Variants in TM6SF1 observed in about 807,000 individuals in gnomAD.
TM6SF1 encodes the protein transmembrane 6 superfamily member 1.
A neutral mutation model predicts 47.1 loss-of-function variants in TM6SF1; 43 were observed. The ratio of observed to expected loss-of-function variants is 0.91; its 90% CI spans 0.72 to 1.18. TM6SF1 has a LOEUF of 1.18. Among genes scored for constraint, TM6SF1 ranks in the 50% most tolerant of loss-of-function variants. The pLI is 0.00. For missense variants in TM6SF1, 390 were observed against 449.0 expected, an observed-to-expected ratio of 0.87 and a Z score of 1.19; for synonymous variants, 177 against 166.3, an observed-to-expected ratio of 1.06 and a Z score of -0.49.
At chr15:83,118,252 C>G (rs955919681) in intron 3 of TM6SF1, among the ~76,000 whole-genome samples, 1 of 126,366 alleles carries the variant, frequency 7.9e-6, no homozygotes, top group Non-Finnish European at 1.7e-5. Flanking sequence ...CACACACACA[C>G]ACACACACAC....
intron 4 of TM6SF1, among the ~76,000 whole-genome samples, chr15:83,120,889 C>T (rs1344975127): frequency 6.7e-6 from 1 of 149,966 alleles, no homozygotes; most frequent in East Asian, 2.0e-4. Flanking sequence ...ATCTGTTCTC[C>T]TGCTTATAAT....
At chr15:83,115,543 G>T in intron 2 of TM6SF1, 1 of 505,382 alleles carries the variant, frequency 2.0e-6, no homozygotes, top group Non-Finnish European at 3.8e-6. Context: ...GGGGAGTGGA[G>T]GATGGGTGGA....
chr15:83,107,686 T>G lies in TM6SF1; in HGVS notation c.6T>G (p.Ser2Arg). Reference sequence around the variant, plus strand: ...CGAGCGGCGCGGCGGCTGCGATGAGTGCCTCTGCGGCCACCGGGGTCTTCG... The same window carrying G: ...CGAGCGGCGCGGCGGCTGCGATGAGGGCCTCTGCGGCCACCGGGGTCTTCG... The part of the protein sequence containing the change: M[S>R]ASAATGVFVL... Residue 2 changes from serine to arginine, a missense_variant, in exon 1 of 10, where the codon AGT (serine) becomes AGG (arginine). Physicochemically the swap from Ser to Arg is moderately radical, Grantham distance 110. Coordinates refer to ENST00000322019, the MANE Select transcript of TM6SF1 (RefSeq NM_023003.5). The surrounding 1 kb of genome is among the most constrained non-coding windows in gnomAD (Gnocchi z 5.6). 2 of 1,552,134 alleles carry G rather than the reference T, an allele frequency of 1.3e-6. No homozygotes were observed. Among genetic ancestry groups the G allele is most frequent in the Non-Finnish European group, 1.7e-6 (2 of 1,151,060 alleles).
chr15:83,126,936 T>A, intron 8 of TM6SF1, 89 bp downstream of exon 8: 1 of 1,008,574 alleles, frequency 9.9e-7, no homozygotes, highest in Non-Finnish European at 1.5e-6. Flanking sequence ...CTCACGCCTG[T>A]AATCCCAGCA....
intron 4 of TM6SF1, among the ~76,000 whole-genome samples, chr15:83,121,030 A>C (rs1044462465): frequency 6.6e-6 from 1 of 151,842 alleles, no homozygotes; most frequent in Non-Finnish European, 1.5e-5. Flanking sequence ...AGCCTGTTAC[A>C]TAGTGTGGAG....
At chr15:83,109,578 C>T (rs1423757978) in intron 1 of TM6SF1, among the ~76,000 whole-genome samples, 8 of 152,206 alleles carry the variant, frequency 5.3e-5, no homozygotes, top group East Asian at 1.9e-4. Context: ...TCCCTTCCTC[C>T]TACTGTCTGC....
chr15:83,115,274 C>T, intron 2 of TM6SF1: 1 of 220,072 alleles, frequency 4.5e-6, no homozygotes, highest in South Asian at 7.1e-5. Flanking sequence ...TGCACCACCA[C>T]ACCCAGAAAA....
At chr15:83,113,511 A>G (rs2034384513) in intron 2 of TM6SF1, 1 of 152,552 alleles carries the variant, frequency 6.6e-6, no homozygotes, top group Admixed American at 6.5e-5. Flanking sequence ...GCCCCAGCCA[A>G]GCTGCTACCG....
At chr15:83,111,682 G>A (rs762433201) in intron 1 of TM6SF1, 18 of 985,398 alleles carry the variant, frequency 1.8e-5, no homozygotes, top group Non-Finnish European at 2.2e-5. Context: ...AGAGGTCCTG[G>A]TGTAGCAGGC....
rs780207383 is a variant in TM6SF1, at chr15:83,122,657, T to A, written c.482-100T>A. On this transcript the variant is annotated intron_variant, in intron 5 of 9. Coordinates refer to ENST00000322019, the MANE Select transcript of TM6SF1 (RefSeq NM_023003.5). ...CTCATTAAAAATATTGTCTGGCCCA[T>A]AGCAAAATTTTAGATGACCTGAGAT... 1.5e-5 allele frequency: 20 copies of A among 1,371,744 alleles called. No individual in the cohort carries two copies. The South Asian group carries it at 2.7e-4, about 18-fold the overall frequency. 85.0% of individuals were successfully genotyped at this position (1,371,744 alleles called of 1,614,324 possible).
At chr15:83,110,292 C>G (rs969013787) in intron 1 of TM6SF1, among the ~76,000 whole-genome samples, 6 of 152,082 alleles carry the variant, frequency 3.9e-5, no homozygotes, top group African/African-American at 1.4e-4. Flanking sequence ...TTCCCACCCC[C>G]CAAGACTAGC....
intron 6 of TM6SF1, 41 bp from the exon 7 acceptor site, chr15:83,124,631 G>A: frequency 6.8e-7 from 1 of 1,480,980 alleles, no homozygotes; most frequent in Non-Finnish European, 9.4e-7. Flanking sequence ...ATTCTTCTTT[G>A]GCACTTTGGG....
intron 1 of TM6SF1, chr15:83,108,002 T>C (rs768911896): frequency 1.1e-5 from 10 of 894,178 alleles, no homozygotes; most frequent in Non-Finnish European, 1.5e-5. Context: ...CATTTCGGGA[T>C]GTTGGTGCCA....
In TM6SF1 at chr15:83,122,865, ATTACCCCT is replaced by A. The variant is rs2035400546; in HGVS notation, c.591_598del (p.Tyr198LysfsTer17). On this transcript the variant is annotated frameshift_variant, in exon 6 of 10. Transcript: ENST00000322019. LOFTEE classifies it high-confidence loss of function. ...TATAATCAGCCATCAGAAAATTATA[ATTACCCCT>A]CAAAGGTGATTTTATTAAGCTTTGA... The A allele has an allele frequency of 3.1e-6, 5 of 1,613,934 alleles. No homozygotes were observed. The highest frequency in any genetic ancestry group is 4.2e-6 in the Non-Finnish European group (5 of 1,179,996).
rs756382718 is a variant in TM6SF1, at chr15:83,127,461, C to G, written c.905C>G (p.Ala302Gly). The G allele has an allele frequency of 6.2e-7, 1 of 1,613,708 alleles. No individual in the cohort carries two copies. Among genetic ancestry groups the G allele is most frequent in the South Asian group, 1.1e-5 (1 of 91,074 alleles). ...ATGCCTGACATCACATTGATACATGCTGGAGGTCTGGCTCAGGTACTAAGA... is the reference window on the plus strand; with the variant it reads ...ATGCCTGACATCACATTGATACATGGTGGAGGTCTGGCTCAGGTACTAAGA... The part of the protein sequence containing the change: ...SWMPDITLIH[A>G]GGLAQAQFSH... The change falls in exon 9 of 10, where the codon GCT becomes GGT. Residue 302 changes from alanine to glycine, a missense_variant. Transcript: ENST00000322019.
chr15:83,134,582 T>C (rs969539841), intron 9 of TM6SF1: 2 of 152,220 alleles, frequency 1.3e-5, no homozygotes, highest in African/African-American at 4.8e-5. Context: ...TTAACTGCAC[T>C]GGTTAGTGCA....
chr15:83,127,671 T>C (rs2035888015), intron 9 of TM6SF1, 194 bp downstream of exon 9: 1 of 532,694 alleles, frequency 1.9e-6, no homozygotes, highest in East Asian at 3.7e-5. Context: ...ATATGGTAGA[T>C]GTGCCATCCA....
At chr15:83,126,218 G>C (rs1420588359) in intron 7 of TM6SF1, among the ~76,000 whole-genome samples, 2 of 152,146 alleles carry the variant, frequency 1.3e-5, no homozygotes, top group Non-Finnish European at 2.9e-5. Flanking sequence ...TGGTGCCTGA[G>C]GGGAGGAAGG....
intron 7 of TM6SF1, among the ~76,000 whole-genome samples, chr15:83,125,050 C>G (rs1202734436): frequency 2.0e-5 from 3 of 152,180 alleles, no homozygotes; most frequent in Non-Finnish European, 2.9e-5. Flanking sequence ...ATCAGAGTCT[C>G]TCTTTTTTAT....
Sources: gnomAD v4.1 joint callset for allele counts (sites outside exome capture counted in the v4.1 genomes callset) on GRCh38, gnomAD v4.1.1 for gene constraint, Gnocchi (gnomAD v3.1) non-coding constraint, MANE v1.5 for transcripts, NCBI Gene and HGNC (gene_info 2026-07-23, HGNC 2026-07-21) for gene names.